The following FAM167A variants were observed in gnomAD, a reference collection of about 807,000 sequenced individuals.
The protein encoded by FAM167A is protein FAM167A.
In FAM167A, 23 loss-of-function variants were observed where a neutral mutation model predicts 14.9. That is an observed-to-expected ratio of 1.55 (90% CI 1.11 to 2.19). The LOEUF is 2.19. Among genes scored for constraint, FAM167A ranks in the 30% most tolerant of loss-of-function variants. FAM167A has a pLI of 0.00. For synonymous variants in FAM167A, 174 were observed against 117.7 expected (o/e 1.48, Z -3.10); for missense variants, 401 against 281.5 (o/e 1.42, Z -3.04).
chr8:11,459,486 G>A (rs935472986), intron 1 of FAM167A, among the ~76,000 whole-genome samples: 2 of 152,246 alleles, frequency 1.3e-5, no homozygotes. Context: ...GTTCTGGGCA[G>A]AAGAGGAAGA....
At chr8:11,431,231 G>A (rs1299494132) in intron 2 of FAM167A, among the ~76,000 whole-genome samples, 1 of 152,226 alleles carries the variant, frequency 6.6e-6, no homozygotes, top group Non-Finnish European at 1.5e-5. Flanking sequence ...GACAATCCTG[G>A]CACATGCCAT....
At chr8:11,470,389 G>T (rs1807920279), upstream of FAM167A, among the ~76,000 whole-genome samples, 1 of 152,182 alleles carries the variant, frequency 6.6e-6, no homozygotes, top group Non-Finnish European at 1.5e-5. Flanking sequence ...TCAGGGGCCA[G>T]CATGGATGCC....
At chr8:11,436,556 C>G (rs1160791461) in intron 2 of FAM167A, among the ~76,000 whole-genome samples, 3 of 152,220 alleles carry the variant, frequency 2.0e-5, no homozygotes, top group Non-Finnish European at 4.4e-5. Context: ...TGTCTCCCTG[C>G]TCCGACAGGA....
At chr8:11,443,259 C>A (rs978016719) in intron 2 of FAM167A, among the ~76,000 whole-genome samples, 2 of 152,184 alleles carry the variant, frequency 1.3e-5, no homozygotes, top group Non-Finnish European at 1.5e-5. Flanking sequence ...CCAGCTCTGC[C>A]CCCCCACCCT....
chr8:11,453,538 C>T (rs1381943317), intron 1 of FAM167A, among the ~76,000 whole-genome samples: 1 of 152,178 alleles, frequency 6.6e-6, no homozygotes, highest in Non-Finnish European at 1.5e-5. Context: ...TCAGACTGTA[C>T]CTGGCAGGGC....
Position 11,422,044 on chromosome 8 carries a change from G to C in FAM167A, c.*2329C>G. On this transcript the variant is annotated 3_prime_UTR_variant, in exon 3 of 3. Transcript: ENST00000284486. ...TCATCCCATAATAAAGTTCTCTTAG[G>C]ATAAACCGAGCAAAATAGCTCAGAC... 2.6e-6 allele frequency: 1 copy of C among 386,636 alleles called. No individual in the cohort carries two copies. Among genetic ancestry groups the C allele is most frequent in the Non-Finnish European group, 4.6e-6 (1 of 219,140 alleles). 24.0% of individuals were successfully genotyped at this position (386,636 alleles called of 1,614,324 possible). A position where few individuals can be genotyped will look rare whatever the true frequency, so the allele number is the denominator to read the frequency against.
At chr8:11,475,218 A>AAAAG (rs1797833386) in intron 1 of FAM167A, among the ~76,000 whole-genome samples, 2 of 150,710 alleles carry the variant, frequency 1.3e-5, no homozygotes, top group Non-Finnish European at 3.0e-5. Flanking sequence ...TTCCTCTGGG[A>AAAAG]CCCCCTCCCT....
intron 2 of FAM167A, among the ~76,000 whole-genome samples, chr8:11,435,614 G>A (rs1363084924): frequency 4.6e-5 from 7 of 152,148 alleles, no homozygotes; most frequent in African/African-American, 1.7e-4. Flanking sequence ...CACCCTCTGG[G>A]ATCTCCCACT....
At chr8:11,474,552 G>A (rs796578764) in intron 1 of FAM167A, 7 of 152,318 alleles carry the variant, frequency 4.6e-5, no homozygotes, top group African/African-American at 1.7e-4. Context: ...TTCACAGACA[G>A]AACTAGAGGC....
At position 11,424,580 on chromosome 8, in the gene FAM167A, G is replaced by A. The variant is rs761556428; in HGVS notation, c.438C>T (p.Gly146=). The stretch of plus-strand genomic sequence containing the variant: ...GTTCGATTTTCAGCTTGTTGATGTC[G>A]CCACGCAGGCGCATGAGCTGTCTGG... The part of the protein sequence containing the change: ...QLARQLMRLR[G]DINKLKIEHT... Residue 146 remains glycine, a synonymous_variant, in exon 3 of 3, where the codon GGC becomes GGT. Transcript: ENST00000284486. 5.1e-5 allele frequency: 82 copies of A among 1,613,994 alleles called. No homozygotes were observed. In the Middle Eastern group the frequency reaches 6.6e-4, roughly 13 times the overall value.
Position 11,433,170 on chromosome 8 carries a change from A to T in FAM167A, c.382-8534T>A, listed in dbSNP as rs966767116. Among the ~76,000 whole-genome samples the T allele has an allele frequency of 4.6e-5, 7 of 152,142 alleles. No individual in the cohort carries two copies. In the East Asian group the frequency reaches 1.2e-3, roughly 25 times the overall value. ...GTATACCTATGTAACAAATCTGCAC[A>T]TTCTGCACATGTAATCCAGAACTTA... On this transcript the variant is annotated intron_variant, in intron 2 of 2. Coordinates refer to ENST00000284486, the MANE Select transcript of FAM167A (RefSeq NM_053279.3).
At chr8:11,470,382 G>C (rs1054561792), upstream of FAM167A, among the ~76,000 whole-genome samples, 1 of 152,198 alleles carries the variant, frequency 6.6e-6, no homozygotes, top group Non-Finnish European at 1.5e-5. Flanking sequence ...GCCACAATCA[G>C]GGGCCAGCAT....
In FAM167A at chr8:11,424,400, G is replaced by T. The variant is rs765900981; in HGVS notation, c.618C>A (p.Ile206=). Residue 206 remains isoleucine (I), a synonymous_variant, in exon 3 of 3, where the codon ATC becomes ATA. Transcript: ENST00000284486. ...LKLIGVTKMN[I]NSRRFSLC ...AGCAGAGAGAGAACCTCCGAGAGTT[G>T]ATGTTCATCTTGGTCACGCCAATAA... The T allele has an allele frequency of 6.2e-7, 1 of 1,614,024 alleles. No homozygotes were observed. The highest frequency in any genetic ancestry group is 8.5e-7 in the Non-Finnish European group (1 of 1,180,018).
chr8:11,473,426 T>C (rs1297181664), intron 1 of FAM167A, among the ~76,000 whole-genome samples: 1 of 152,256 alleles, frequency 6.6e-6, no homozygotes, highest in South Asian at 2.1e-4. Flanking sequence ...GGGGGGATTT[T>C]TGGGGAAACG....
chr8:11,432,936 C>G (rs867137433), intron 2 of FAM167A, among the ~76,000 whole-genome samples: 1 of 152,150 alleles, frequency 6.6e-6, no homozygotes, highest in African/African-American at 2.4e-5. Context: ...AAGCTGGAAA[C>G]CATCATTCTC....
At chr8:11,457,721 C>A (rs1469730039) in intron 1 of FAM167A, among the ~76,000 whole-genome samples, 1 of 152,126 alleles carries the variant, frequency 6.6e-6, no homozygotes, top group Admixed American at 6.6e-5. Context: ...TGTCTTTGGC[C>A]CTCACTGGCG....
At chr8:11,461,609 G>A (rs1056187006) in intron 1 of FAM167A, among the ~76,000 whole-genome samples, 14 of 152,246 alleles carry the variant, frequency 9.2e-5, no homozygotes, top group African/African-American at 2.9e-4. Context: ...CTAAGGACAC[G>A]GGGGATGTGT....
Position 11,424,289 on chromosome 8 carries a change from T to G in FAM167A, c.*84A>C. The stretch of plus-strand genomic sequence containing the variant: ...GGACCCCTGCCTCCGGGAGACCCAC[T>G]GGAGTAACTTGGCCTCAGCTTCCTC... On this transcript the variant is annotated 3_prime_UTR_variant, in exon 3 of 3. Coordinates refer to ENST00000284486, the MANE Select transcript of FAM167A (RefSeq NM_053279.3). 1 of 1,569,908 alleles carries G rather than the reference T, an allele frequency of 6.4e-7. No homozygotes were observed. Among genetic ancestry groups the G allele is most frequent in the South Asian group, 1.2e-5 (1 of 85,478 alleles).
chr8:11,434,885 TGTGCCGGAGAGA>T, intron 2 of FAM167A: 2 of 374,416 alleles, frequency 5.3e-6, no homozygotes, highest in South Asian at 4.0e-5. Context: ...GAAGACATTC[TGTGCCGGAGAGA>T]GAGTGGGAGA....
Sources: allele counts gnomAD v4.1 joint callset (sites outside exome capture counted in the v4.1 genomes callset), GRCh38; gene constraint gnomAD v4.1.1; transcripts MANE v1.5; gene names NCBI Gene and HGNC (gene_info 2026-07-23, HGNC 2026-07-21).